The following PRKD2 variants were observed in gnomAD, a reference collection of about 807,000 sequenced individuals.
The protein encoded by PRKD2 is protein kinase D2.
A neutral mutation model predicts 86.0 loss-of-function variants in PRKD2; 22 were observed. The ratio of observed to expected loss-of-function variants is 0.26; its 90% confidence interval spans 0.18 to 0.37. PRKD2 has a LOEUF of 0.37. Ranked by LOEUF, PRKD2 falls within the 10% of genes least tolerant of loss-of-function variation. The pLI, the probability that PRKD2 is intolerant of heterozygous loss-of-function variation, is 1.00. For missense variants in PRKD2, 818 were observed against 1,199.2 expected (o/e 0.68, Z 4.70); for synonymous variants, 509 against 510.9 (o/e 1.00, Z 0.05).
Position 46,716,001 on chromosome 19 carries a change from C to T in PRKD2, c.240+130G>A. 7.3e-7 allele frequency: 1 copy of T among 1,371,812 alleles called. No individual in the cohort carries two copies. The highest frequency in any genetic ancestry group is 1.5e-5 in the African/African-American group (1 of 65,818). 85.0% of individuals were successfully genotyped at this position (1,371,812 alleles called of 1,614,324 possible). On this transcript the variant is annotated intron_variant, in intron 1 of 17. Transcript: ENST00000291281. This position sits in a 1 kb window ranked among gnomAD's most constrained non-coding sequence, Gnocchi z 7.9. ...GGGGCAATGGAGGGGGGCAATGCCCCCTATCCCTCCATCACCCAAAGCTCA... is the reference window on the plus strand; with the variant it reads ...GGGGCAATGGAGGGGGGCAATGCCCTCTATCCCTCCATCACCCAAAGCTCA...
rs765600169 is a variant in PRKD2, at chr19:46,716,188, G to A, written c.183C>T (p.Pro61=). 4 of 1,611,362 alleles carry A rather than the reference G, an allele frequency of 2.5e-6. No individual in the cohort carries two copies. Among genetic ancestry groups the A allele is most frequent in the Non-Finnish European group, 3.4e-6 (4 of 1,179,360 alleles). The part of the protein sequence containing the change: ...IGLTREFVLL[P]AASELAHVKQ... ...TCACATGAGCCAGCTCGGAGGCGGC[G>A]GGCAACAGCACGAACTCGCGGGTCA... is the stretch of plus-strand genomic sequence containing the variant. The change falls in exon 1 of 18, where the codon CCC becomes CCT. Residue 61 remains proline, a synonymous_variant. Coordinates refer to ENST00000291281, the MANE Select transcript of PRKD2 (RefSeq NM_016457.5). This position sits in a 1 kb window ranked among gnomAD's most constrained non-coding sequence, Gnocchi z 7.9.
intron 3 of PRKD2, chr19:46,710,550 TC>T: frequency 4.8e-6 from 1 of 208,088 alleles, no homozygotes; most frequent in Non-Finnish European, 9.6e-6. Context: ...TATAAATATC[TC>T]AATATATATC....
chr19:46,692,116 C>A, intron 10 of PRKD2, 131 bp from the exon 11 acceptor site: 1 of 865,636 alleles, frequency 1.2e-6, no homozygotes, highest in Non-Finnish European at 1.9e-6. Context: ...TGTGCAACTT[C>A]AGGCTGGTGA....
At chr19:46,714,145 C>A in intron 1 of PRKD2, 144 bp from the exon 2 acceptor site, 1 of 1,368,536 alleles carries the variant, frequency 7.3e-7, no homozygotes, top group Non-Finnish European at 9.5e-7. Context: ...TGCCTGCCCC[C>A]TCCCAACCCC....
At chr19:46,704,074 C>T in intron 5 of PRKD2, 95 bp downstream of exon 5, 2 of 1,545,576 alleles carry the variant, frequency 1.3e-6, no homozygotes, top group Non-Finnish European at 1.7e-6. Flanking sequence ...GCCCTGGGGT[C>T]CCAAGGCTCA....
At chr19:46,703,654 C>T (rs1414827823) in intron 5 of PRKD2, among the ~76,000 whole-genome samples, 2 of 151,944 alleles carry the variant, frequency 1.3e-5, no homozygotes, top group African/African-American at 4.8e-5. Context: ...CGCCTGTAGT[C>T]CCAGCTACTC....
Position 46,697,745 on chromosome 19 carries a change from G to C in PRKD2, c.1227C>G (p.Asn409Lys). ...LREGWVVHYSNKDTLRKRHYW... is the reference protein window; with the variant it reads ...LREGWVVHYSKKDTLRKRHYW... ...CCCGGCCACTCACCAGCGTGTCCTTGTTGCTGTAATGAACCACCCAACCCT... is the reference window on the plus strand; with the variant it reads ...CCCGGCCACTCACCAGCGTGTCCTTCTTGCTGTAATGAACCACCCAACCCT... The change falls in exon 8 of 18, where the codon AAC becomes AAG. Residue 409 changes from asparagine (N) to lysine (K), a missense_variant. Asn to Lys is a moderately conservative substitution (Grantham distance 94). Around this residue, in one of 5 missense-constraint regions of PRKD2, gnomAD observed 127 missense variants for 157.8 expected, o/e 0.80. Coordinates refer to ENST00000291281, the MANE Select transcript of PRKD2 (RefSeq NM_016457.5). 1 of 1,613,754 alleles carries C rather than the reference G, an allele frequency of 6.2e-7. No individual in the cohort carries two copies. Among genetic ancestry groups the C allele is most frequent in the Non-Finnish European group, 8.5e-7 (1 of 1,179,790 alleles).
chr19:46,689,798 TG>T (rs2053457367), intron 13 of PRKD2, 100 bp from the exon 14 acceptor site: 1 of 1,405,864 alleles, frequency 7.1e-7, no homozygotes, highest in African/African-American at 1.4e-5. Context: ...AGGAGAAGGA[TG>T]TCCCTGGGGT....
At chr19:46,699,840 T>TG (rs943824571) in intron 7 of PRKD2, among the ~76,000 whole-genome samples, 3 of 150,992 alleles carry the variant, frequency 2.0e-5, no homozygotes, top group African/African-American at 7.3e-5. Context: ...CCCAGAACTT[T>TG]GGGAGGCTGA....
chr19:46,706,135 G>C (rs2053711248), intron 3 of PRKD2, among the ~76,000 whole-genome samples: 1 of 152,150 alleles, frequency 6.6e-6, no homozygotes, highest in South Asian at 2.1e-4. Flanking sequence ...AAAGTGTTGG[G>C]ATTACAGGCA....
At chr19:46,699,762 C>G (rs2053609954) in intron 7 of PRKD2, among the ~76,000 whole-genome samples, 1 of 152,006 alleles carries the variant, frequency 6.6e-6, no homozygotes, top group Non-Finnish European at 1.5e-5. Flanking sequence ...GTGGAGCTGA[C>G]TAAGTATGAA....
At chr19:46,696,480 C>A (rs756941340) in intron 9 of PRKD2, among the ~76,000 whole-genome samples, 50 of 152,048 alleles carry the variant, frequency 3.3e-4, no homozygotes, top group Non-Finnish European at 5.9e-4. Context: ...AATAGTGAGG[C>A]CGGGTGCGGT....
At chr19:46,691,887 A>T (rs367678697) in intron 11 of PRKD2, 46 bp downstream of exon 11, 17 of 1,610,892 alleles carry the variant, frequency 1.1e-5, no homozygotes, top group East Asian at 2.2e-5. Context: ...AGAGCTGAGG[A>T]GGGTTTGTGG....
chr19:46,704,659 G>A lies in PRKD2; in HGVS notation c.512-10C>T, dbSNP rs756848310. The A allele has an allele frequency of 1.9e-6, 3 of 1,594,672 alleles. No individual in the cohort carries two copies. Among genetic ancestry groups the A allele is most frequent in the South Asian group, 2.3e-5 (2 of 88,540 alleles). Reference sequence around the variant, plus strand: ...TAGTTCAGCCCGCAGCCTGCAGGGGGCGCCAGAGAGTAAGAGACATGGCGT... The same window carrying A: ...TAGTTCAGCCCGCAGCCTGCAGGGGACGCCAGAGAGTAAGAGACATGGCGT... On this transcript the variant is annotated splice_polypyrimidine_tract_variant and intron_variant, in intron 3 of 17. Transcript: ENST00000291281.
chr19:46,680,342 C>T (rs1000770627), intron 15 of PRKD2, among the ~76,000 whole-genome samples: 11 of 152,016 alleles, frequency 7.2e-5, no homozygotes, highest in Admixed American at 2.0e-4. Flanking sequence ...GGCTGGAGTG[C>T]AGTGGTGTGA....
intron 2 of PRKD2, among the ~76,000 whole-genome samples, chr19:46,712,949 G>A (rs1314717020): frequency 6.6e-6 from 1 of 152,212 alleles, no homozygotes; most frequent in African/African-American, 2.4e-5. Flanking sequence ...TCACTTTGCA[G>A]AGATTCTGAT....
chr19:46,714,528 G>A (rs2053858302), intron 1 of PRKD2: 1 of 150,116 alleles, frequency 6.7e-6, no homozygotes, highest in Non-Finnish European at 1.5e-5. Flanking sequence ...GATAAGGAGG[G>A]CGCCTGCCAC....
intron 9 of PRKD2, among the ~76,000 whole-genome samples, chr19:46,695,487 A>G (rs977952457): frequency 2.6e-5 from 4 of 152,240 alleles, no homozygotes; most frequent in African/African-American, 9.6e-5. Flanking sequence ...CGTCTCAAAA[A>G]TAAACGTTTG....
chr19:46,688,776 CTTTTT>C (rs928132057), intron 14 of PRKD2: 1 of 151,964 alleles, frequency 6.6e-6, no homozygotes, highest in African/African-American at 2.4e-5. Context: ...TATTATTTTT[CTTTTT>C]TCTTTCTTTC....
Sources: gnomAD v4.1 joint callset for allele counts (sites outside exome capture counted in the v4.1 genomes callset) on GRCh38, gnomAD v4.1.1 for gene constraint, gnomAD v4.1.1 regional missense constraint, Gnocchi (gnomAD v3.1) non-coding constraint, MANE v1.5 for transcripts, NCBI Gene and HGNC (gene_info 2026-07-23, HGNC 2026-07-21) for gene names.